Variants in CEP70 observed in about 807,000 individuals in gnomAD.
CEP70 encodes the protein centrosomal protein 70.
CEP70 carries 70 observed loss-of-function variants against 90.9 expected under a neutral mutation model. That is an observed-to-expected ratio of 0.77 (90% CI 0.64 to 0.94). The LOEUF is 0.94. Ranked by LOEUF, CEP70 falls within the 40% of genes least tolerant of loss-of-function variation. The probability of loss-of-function intolerance (pLI) is 0.00; values close to 1 mark genes in which losing one functional copy is unlikely to be tolerated. For synonymous variants in CEP70, 220 were observed against 228.3 expected (o/e 0.96, Z 0.33); for missense variants, 648 against 669.0 (o/e 0.97, Z 0.35).
In CEP70 at chr3:138,508,454, G is replaced by A. The variant is rs149853784; in HGVS notation, c.1035C>T (p.Asp345=). Residue 345 remains aspartate (D), a synonymous_variant, in exon 12 of 18, where the codon GAC becomes GAT. Coordinates refer to ENST00000264982, the MANE Select transcript of CEP70 (RefSeq NM_024491.4). The part of the protein sequence containing the change: ...SKYNQQQALI[D]QRYFQVLCSI... ...AATTCAATACCTGAAAGTATCTCTG[G>A]TCAATTAGGGCCTGTTGCTGATTAT... The A allele has an allele frequency of 3.6e-4, 580 of 1,604,844 alleles. No homozygotes were observed. Among genetic ancestry groups the A allele is most frequent in the Non-Finnish European group, 4.8e-4 (559 of 1,171,968 alleles).
chr3:138,505,477 CA>C lies in CEP70; in HGVS notation c.1051-13del, dbSNP rs753520012. Reference sequence around the variant, plus strand: ...ATGCTACACAGCACCTTTAAAAAAACATAGTGTATATAGTCAAAATATTTAT... The same window carrying C: ...ATGCTACACAGCACCTTTAAAAAAACTAGTGTATATAGTCAAAATATTTAT... On this transcript the variant is annotated splice_polypyrimidine_tract_variant and intron_variant, in intron 12 of 17. Coordinates refer to ENST00000264982, the MANE Select transcript of CEP70 (RefSeq NM_024491.4). 6.5e-7 allele frequency: 1 copy of C among 1,549,860 alleles called. No homozygotes were observed. The highest frequency in any genetic ancestry group is 1.3e-5 in the South Asian group (1 of 78,774).
At chr3:138,531,001 A>C (rs1189709994) in intron 8 of CEP70, 2 of 189,176 alleles carry the variant, frequency 1.1e-5, no homozygotes, top group African/African-American at 4.8e-5. Flanking sequence ...TTATTTATTA[A>C]TGTATCTCCT....
At chr3:138,528,635 G>T (rs932403863) in intron 10 of CEP70, among the ~76,000 whole-genome samples, 7 of 152,086 alleles carry the variant, frequency 4.6e-5, no homozygotes, top group African/African-American at 1.7e-4. Flanking sequence ...CTGGCACTGG[G>T]CCTAGGAGTT....
intron 6 of CEP70, among the ~76,000 whole-genome samples, chr3:138,546,547 G>C (rs781444822): frequency 6.6e-6 from 1 of 151,976 alleles, no homozygotes; most frequent in Admixed American, 6.6e-5. Flanking sequence ...TCAGGAGTTC[G>C]CGATCAGCCT....
chr3:138,526,391 TTG>T (rs2037254770), intron 10 of CEP70, among the ~76,000 whole-genome samples: 1 of 152,148 alleles, frequency 6.6e-6, no homozygotes, highest in Non-Finnish European at 1.5e-5. Flanking sequence ...TCTCAAACTC[TTG>T]ACCTCAGGAG....
intron 11 of CEP70, among the ~76,000 whole-genome samples, chr3:138,513,103 G>C (rs1222534949): frequency 1.3e-5 from 2 of 152,324 alleles, no homozygotes; most frequent in Non-Finnish European, 1.5e-5. Context: ...TTCAGGCACA[G>C]CCACAGGTAA....
At chr3:138,508,406 C>T (rs778817798) in intron 12 of CEP70, 33 bp downstream of exon 12, 2 of 1,300,862 alleles carry the variant, frequency 1.5e-6, no homozygotes, top group Non-Finnish European at 2.2e-6. Flanking sequence ...TGACAAACAT[C>T]AGTCTTTTTG....
At chr3:138,512,984 A>G (rs1180680946) in intron 11 of CEP70, among the ~76,000 whole-genome samples, 1 of 152,240 alleles carries the variant, frequency 6.6e-6, no homozygotes, top group African/African-American at 2.4e-5. Context: ...ATAGTTAGTG[A>G]TGAAAAGAAG....
At chr3:138,570,553 C>G in intron 5 of CEP70, 55 bp from the exon 6 acceptor site, 1 of 1,332,862 alleles carries the variant, frequency 7.5e-7, no homozygotes, top group African/African-American at 1.5e-5. Context: ...AATCGAATTA[C>G]CAAGCATATC....
chr3:138,527,267 G>C (rs2108826605), intron 10 of CEP70, among the ~76,000 whole-genome samples: 1 of 99,840 alleles, frequency 1.0e-5, no homozygotes, highest in African/African-American at 6.1e-5. Flanking sequence ...CTGGGCTCAA[G>C]TGATCTCACC....
At chr3:138,567,987 A>G (rs1560429004) in intron 6 of CEP70, among the ~76,000 whole-genome samples, 2 of 152,128 alleles carry the variant, frequency 1.3e-5, no homozygotes, top group East Asian at 3.8e-4. Context: ...AGGGGCGGCA[A>G]TTCCTTGGGT....
At chr3:138,543,374 T>C in intron 6 of CEP70, among the ~76,000 whole-genome samples, 1 of 152,252 alleles carries the variant, frequency 6.6e-6, no homozygotes, top group Non-Finnish European at 1.5e-5. Context: ...GCCCCGAGTG[T>C]ACACACACCT....
chr3:138,574,999 C>T (rs994653995), intron 2 of CEP70, among the ~76,000 whole-genome samples: 1 of 152,156 alleles, frequency 6.6e-6, no homozygotes, highest in Non-Finnish European at 1.5e-5. Flanking sequence ...GGGGAGAAAC[C>T]AGAGCAGAAA....
At chr3:138,542,715 C>T (rs571929756) in intron 6 of CEP70, among the ~76,000 whole-genome samples, 2 of 152,242 alleles carry the variant, frequency 1.3e-5, no homozygotes, top group Non-Finnish European at 2.9e-5. Context: ...TCACCACGCA[C>T]AGCCCGGCGA....
intron 7 of CEP70, among the ~76,000 whole-genome samples, chr3:138,535,838 CT>C (rs1373545298): frequency 6.6e-6 from 1 of 152,048 alleles, no homozygotes; most frequent in African/African-American, 2.4e-5. Flanking sequence ...CACCTCTCTC[CT>C]TTTTGTTCTT....
intron 2 of CEP70, among the ~76,000 whole-genome samples, chr3:138,588,196 T>C (rs1157172636): frequency 6.6e-6 from 1 of 152,156 alleles, no homozygotes; most frequent in African/African-American, 2.4e-5. Flanking sequence ...GGCAAACATG[T>C]CTATGATATG....
At chr3:138,540,674 A>G (rs2107841436) in intron 6 of CEP70, among the ~76,000 whole-genome samples, 1 of 152,342 alleles carries the variant, frequency 6.6e-6, no homozygotes. Flanking sequence ...ACCATTGTGG[A>G]AAGCAGTATG....
chr3:138,545,141 A>G (rs925009691), intron 6 of CEP70, among the ~76,000 whole-genome samples: 1 of 152,234 alleles, frequency 6.6e-6, no homozygotes, highest in Non-Finnish European at 1.5e-5. Context: ...ATTACACATT[A>G]TATGAATATG....
chr3:138,510,843 A>T (rs548616962), intron 11 of CEP70, among the ~76,000 whole-genome samples: 172 of 150,138 alleles, frequency 1.1e-3, no homozygotes, highest in African/African-American at 4.1e-3. Context: ...CACAAATTTA[A>T]TGCTTTTTCC....
Sources: allele counts gnomAD v4.1 joint callset (sites outside exome capture counted in the v4.1 genomes callset), GRCh38; gene constraint gnomAD v4.1.1; transcripts MANE v1.5; gene names NCBI Gene and HGNC (gene_info 2026-07-23, HGNC 2026-07-21).